Variants in CSGALNACT1 observed in about 807,000 individuals in gnomAD.
The protein encoded by CSGALNACT1 is beta4GalNAcT-1.
Under a neutral mutation model 51.0 loss-of-function variants are expected in CSGALNACT1, and 52 were observed. That is an observed-to-expected ratio of 1.02 (90% CI 0.82 to 1.29). The LOEUF (loss-of-function observed/expected upper bound fraction) is 1.29. Ranked by LOEUF, CSGALNACT1 falls within the 50% of genes most tolerant of loss-of-function variation. The pLI is 0.00. For synonymous variants in CSGALNACT1, 341 were observed against 254.4 expected (o/e 1.34, Z -3.24); for missense variants, 935 against 679.2 (o/e 1.38, Z -4.19).
In CSGALNACT1 at chr8:19,639,883, TTTTG is replaced by T. The variant is rs374235988; in HGVS notation, c.-543-38022_-543-38019del. 7.2e-5 allele frequency among the ~76,000 whole-genome samples: 11 copies of T among 151,934 alleles called. No homozygotes were observed. In the South Asian group the frequency reaches 1.0e-3, roughly 14 times the overall value. On this transcript the variant is annotated intron_variant, in intron 1 of 9. Coordinates refer to the CSGALNACT1 transcript ENST00000332246. ...TAAGAACAGTTTTGTTTTGTTTTGT[TTTTG>T]TTTGTTTTTTTAATGAGACAGTTTC... is the stretch of plus-strand genomic sequence containing the variant.
intron 8 of CSGALNACT1, among the ~76,000 whole-genome samples, chr8:19,410,960 A>G (rs1191159256): frequency 1.3e-5 from 2 of 152,196 alleles, no homozygotes; most frequent in African/African-American, 4.8e-5. Context: ...GCCCTCAAGC[A>G]CACATCCGAT....
chr8:19,582,644 CAT>C (rs1195808351), intron 3 of CSGALNACT1, among the ~76,000 whole-genome samples: 2 of 152,164 alleles, frequency 1.3e-5, no homozygotes, highest in Admixed American at 1.3e-4. Context: ...GCTGGAAAGA[CAT>C]AGAGAGGCAT....
chr8:19,530,302 G>A (rs1004454907), intron 3 of CSGALNACT1, among the ~76,000 whole-genome samples: 1 of 147,364 alleles, frequency 6.8e-6, no homozygotes, highest in Non-Finnish European at 1.5e-5. Flanking sequence ...ATCCATGAAT[G>A]TGTACACATA....
upstream of CSGALNACT1, among the ~76,000 whole-genome samples, chr8:19,605,480 T>C (rs1401975226): frequency 7.2e-5 from 11 of 152,210 alleles, no homozygotes. Context: ...CTCGTTCTTG[T>C]ATCCGGGTCT....
intron 3 of CSGALNACT1, among the ~76,000 whole-genome samples, chr8:19,517,470 T>C (rs2079785131): frequency 6.6e-6 from 1 of 151,658 alleles, no homozygotes; most frequent in African/African-American, 2.4e-5. Context: ...AAAGAGAATA[T>C]CTCTAGAAGG....
At chr8:19,468,353 G>A (rs553547867) in intron 4 of CSGALNACT1, among the ~76,000 whole-genome samples, 3 of 152,334 alleles carry the variant, frequency 2.0e-5, no homozygotes, top group East Asian at 1.9e-4. Flanking sequence ...CGAATGGGGG[G>A]ATGGGAGAAT....
chr8:19,432,228 T>C (rs868357350), intron 6 of CSGALNACT1, among the ~76,000 whole-genome samples: 8 of 152,214 alleles, frequency 5.3e-5, no homozygotes, highest in African/African-American at 1.9e-4. Flanking sequence ...ATGGTTTTGC[T>C]GATAACAGAA....
chr8:19,505,895 AGGGCTTCCCT>A lies in CSGALNACT1; in HGVS notation c.-71_-62del. Reference sequence around the variant, plus strand: ...CCCTCAAAGCCGGGGCCCCCACGGAAGGGCTTCCCTGGGCTAGACCACAGGAAGCATGCGT... The same window carrying A: ...CCCTCAAAGCCGGGGCCCCCACGGAAGGGCTAGACCACAGGAAGCATGCGT... On this transcript the variant is annotated 5_prime_UTR_variant, in exon 4 of 10. The change creates a premature stop within an existing upstream ORF in the 5' untranslated region. Coordinates refer to ENST00000454498, the Ensembl canonical transcript of CSGALNACT1. 6.3e-7 allele frequency: 1 copy of A among 1,595,868 alleles called. No homozygotes were observed. The highest frequency in any genetic ancestry group is 1.1e-5 in the South Asian group (1 of 90,898).
chr8:19,583,159 T>G (rs2045935240), intron 3 of CSGALNACT1, among the ~76,000 whole-genome samples: 2 of 152,080 alleles, frequency 1.3e-5, no homozygotes, highest in African/African-American at 4.8e-5. Context: ...TCCAAAAACA[T>G]AAACCAATAC....
At chr8:19,689,057 G>C (rs1269096744) in intron 1 of CSGALNACT1, 1 of 152,212 alleles carries the variant, frequency 6.6e-6, no homozygotes, top group Middle Eastern at 3.2e-3. Flanking sequence ...TTCTAATGGA[G>C]TATGGCAGTT....
At chr8:19,560,811 G>A (rs1029573255) in intron 3 of CSGALNACT1, among the ~76,000 whole-genome samples, 2 of 152,202 alleles carry the variant, frequency 1.3e-5, no homozygotes, top group African/African-American at 4.8e-5. Context: ...TGGGTTGATA[G>A]AGAAAGGCAT....
intron 3 of CSGALNACT1, among the ~76,000 whole-genome samples, chr8:19,545,480 G>A: frequency 6.6e-6 from 1 of 152,152 alleles, no homozygotes; most frequent in East Asian, 1.9e-4. Context: ...CATAAAACAT[G>A]ATCATTGATT....
intron 1 of CSGALNACT1, among the ~76,000 whole-genome samples, chr8:19,755,241 G>A (rs573145362): frequency 6.6e-6 from 1 of 151,890 alleles, no homozygotes; most frequent in African/African-American, 2.4e-5. Context: ...ACTTAGGATG[G>A]ATTCTTAGGA....
chr8:19,509,819 C>A (rs560045490), intron 3 of CSGALNACT1, among the ~76,000 whole-genome samples: 1 of 152,014 alleles, frequency 6.6e-6, no homozygotes, highest in Non-Finnish European at 1.5e-5. Flanking sequence ...TGGAAAGCAA[C>A]GTGTAATTAC....
intron 6 of CSGALNACT1, among the ~76,000 whole-genome samples, chr8:19,433,164 A>C (rs1339809798): frequency 2.0e-5 from 3 of 152,176 alleles, no homozygotes; most frequent in South Asian, 4.1e-4. Context: ...ATGGTCAGCT[A>C]ATGAGTGGAC....
At chr8:19,575,348 A>G (rs914432049) in intron 3 of CSGALNACT1, among the ~76,000 whole-genome samples, 1 of 152,174 alleles carries the variant, frequency 6.6e-6, no homozygotes, top group African/African-American at 2.4e-5. Flanking sequence ...GGTTATGAAA[A>G]TAGTCCAGTA....
chr8:19,463,243 T>C (rs1434574882), intron 4 of CSGALNACT1, among the ~76,000 whole-genome samples: 1 of 152,196 alleles, frequency 6.6e-6, no homozygotes, highest in Admixed American at 6.5e-5. Context: ...TCTAGGTTGA[T>C]TCTATGGCTT....
intron 6 of CSGALNACT1, among the ~76,000 whole-genome samples, chr8:19,434,613 C>T (rs1436176814): frequency 1.3e-5 from 2 of 152,168 alleles, no homozygotes; most frequent in Non-Finnish European, 2.9e-5. Flanking sequence ...AATGCAGGCA[C>T]ATCTCCACAA....
chr8:19,586,201 A>G (rs1318779372), intron 3 of CSGALNACT1, among the ~76,000 whole-genome samples: 1 of 152,056 alleles, frequency 6.6e-6, no homozygotes, highest in East Asian at 1.9e-4. Flanking sequence ...CGTCTCTACT[A>G]AAAACACAAA....
Sources: allele counts gnomAD v4.1 joint callset (sites outside exome capture counted in the v4.1 genomes callset), GRCh38; gene constraint gnomAD v4.1.1; transcripts MANE v1.5; gene names NCBI Gene and HGNC (gene_info 2026-07-23, HGNC 2026-07-21).